IGFALS: variants seen among roughly 807,000 people sequenced by gnomAD.
The protein encoded by IGFALS is insulin like growth factor binding protein acid labile subunit.
IGFALS carries 2 observed loss-of-function variants against 2.6 expected under a neutral mutation model. The observed-to-expected ratio is 0.77, with a 90% CI of 0.32 to 2.44. The LOEUF is 2.44. IGFALS is among the 30% of genes most tolerant of loss of function. The probability of loss-of-function intolerance (pLI) is 0.11; values close to 1 mark genes in which losing one functional copy is unlikely to be tolerated. For synonymous variants in IGFALS, 519 were observed against 431.9 expected, an observed-to-expected ratio of 1.20 and a Z score of -2.50; for missense variants, 996 against 848.7, an observed-to-expected ratio of 1.17 and a Z score of -2.16.
In IGFALS at chr16:1,790,925, G is replaced by T. The variant is rs747856531; in HGVS notation, c.1493C>A (p.Pro498His). The part of the protein sequence containing the change: ...DVSHNRLEAL[P>H]NSLLAPLGRL... The stretch of plus-strand genomic sequence containing the variant: ...CCCCAGTGGTGCCAAGAGGCTGTTG[G>T]GCAATGCCTCCAGGCGGTTGTGCGA... The change falls in exon 2 of 2, where the codon CCC becomes CAC. Residue 498 changes from proline (P) to histidine (H), a missense_variant. Physicochemically the swap from Pro to His is moderately conservative, Grantham distance 77. Coordinates refer to ENST00000215539, the MANE Select transcript of IGFALS (RefSeq NM_004970.3). 2 of 1,592,120 alleles carry T rather than the reference G, an allele frequency of 1.3e-6. No homozygotes were observed. Among genetic ancestry groups the T allele is most frequent in the South Asian group, 2.2e-5 (2 of 89,748 alleles).
chr16:1,793,310 C>G (rs1220008594), intron 1 of IGFALS, among the ~76,000 whole-genome samples: 1 of 152,084 alleles, frequency 6.6e-6, no homozygotes, highest in African/African-American at 2.4e-5. Flanking sequence ...TGGGCCGGGC[C>G]CACAACGCGG....
At chr16:1,793,494 TG>T in intron 1 of IGFALS, 142 bp downstream of exon 1, 1 of 677,196 alleles carries the variant, frequency 1.5e-6, no homozygotes, top group Non-Finnish European at 2.4e-6. Flanking sequence ...TTTCCGACTG[TG>T]GGCTCCCCAG....
At chr16:1,792,500 G>A (rs1011288116) in intron 1 of IGFALS, 99 bp from the exon 2 acceptor site, 2 of 1,438,958 alleles carry the variant, frequency 1.4e-6, no homozygotes, top group Admixed American at 5.5e-5. Flanking sequence ...TGTGAACTGA[G>A]GCTCGAGGTC....
rs763420568 is a variant in IGFALS, at chr16:1,792,205, T to TC, written c.212dup (p.Val72SerfsTer110). The TC allele has an allele frequency of 1.2e-6, 2 of 1,610,256 alleles. No individual in the cohort carries two copies. The highest frequency in any genetic ancestry group is 2.2e-5 in the South Asian group (2 of 91,014). On this transcript the variant is annotated frameshift_variant, in exon 2 of 2. Coordinates refer to ENST00000215539, the MANE Select transcript of IGFALS (RefSeq NM_004970.3). LOFTEE classifies it low-confidence loss of function (END_TRUNC). The stretch of plus-strand genomic sequence containing the variant: ...ACAGGGCTTGGGTGCCGCCCGGGAC[T>TC]CCATCAGGCAGGCGCGTGAGGTTCC...
intron 1 of IGFALS, 70 bp downstream of exon 1, chr16:1,793,567 C>CT (rs1897277088): frequency 3.4e-6 from 5 of 1,491,914 alleles, no homozygotes; most frequent in Non-Finnish European, 4.6e-6. Context: ...ACCCCGGCCT[C>CT]TCCCCAGCGG....
Position 1,791,471 on chromosome 16 carries a change from A to G in IGFALS, c.947T>C (p.Leu316Pro), listed in dbSNP as rs1029727806. 6 of 1,612,264 alleles carry G rather than the reference A, an allele frequency of 3.7e-6. No homozygotes were observed. Among genetic ancestry groups the G allele is most frequent in the Non-Finnish European group, 5.1e-6 (6 of 1,179,826 alleles). ...RPRTFKDLHF[L>P]EELQLGHNRI... ...GTTGTGGCCCAGCTGCAGCTCCTCC[A>G]GGAAGTGCAGGTCCTTGAAGGTGCG... The change falls in exon 2 of 2, where the codon CTG (leucine) becomes CCG (proline). Residue 316 changes from leucine to proline, a missense_variant. Physicochemically the swap from Leu to Pro is moderately conservative, Grantham distance 98. Coordinates refer to ENST00000215539, the MANE Select transcript of IGFALS (RefSeq NM_004970.3).
In IGFALS at chr16:1,791,423, C is replaced by T. The variant is rs370683639; in HGVS notation, c.995G>A (p.Arg332His). 18 of 1,611,996 alleles carry T rather than the reference C, an allele frequency of 1.1e-5. No homozygotes were observed. The Admixed American group carries it at 1.5e-4, about 13-fold the overall frequency. The change falls in exon 2 of 2, where the codon CGC becomes CAC. Residue 332 changes from arginine (R) to histidine (H), a missense_variant. Transcript: ENST00000215539. ...GHNRIRQLAE[R>H]SFEGLGQLEV... ...AAGCTGCCCCAGGCCCTCAAAGCTG[C>T]GCTCAGCCAGCTGCCGGATGCGGTT...
In IGFALS at chr16:1,792,371, G is replaced by C. The variant is rs376639311; in HGVS notation, c.47C>G (p.Ser16Cys). The C allele has an allele frequency of 7.6e-6, 12 of 1,583,372 alleles. No homozygotes were observed. Among genetic ancestry groups the C allele is most frequent in the Admixed American group, 5.1e-5 (3 of 59,028 alleles). The change falls in exon 2 of 2, where the codon TCC becomes TGC. Residue 16 changes from serine to cysteine, a missense_variant. By Grantham distance (112) the Ser-to-Cys change is moderately radical. Coordinates refer to ENST00000215539, the MANE Select transcript of IGFALS (RefSeq NM_004970.3). Reference protein sequence around the residue: ...GGLALALLLLSWVALGPRSLE... With the variant: ...GGLALALLLLCWVALGPRSLE... ...GCTGCGGGGGCCCAGTGCCACCCAGGACAGCAGCAGCAGCGCCAGGGCCAG... is the reference window on the plus strand; with the variant it reads ...GCTGCGGGGGCCCAGTGCCACCCAGCACAGCAGCAGCAGCGCCAGGGCCAG...
chr16:1,792,264 C>A lies in IGFALS; in HGVS notation c.154G>T (p.Asp52Tyr). ...CAGAAGACGCTGAGCTCATCCGCGTCGTCATCGTAGCTGCAGACACAGGCG... is the reference window on the plus strand; with the variant it reads ...CAGAAGACGCTGAGCTCATCCGCGTAGTCATCGTAGCTGCAGACACAGGCG... ...PAACVCSYDD[D>Y]ADELSVFCSS... The change falls in exon 2 of 2, where the codon GAC becomes TAC. Residue 52 changes from aspartate to tyrosine, a missense_variant. Coordinates refer to ENST00000215539, the MANE Select transcript of IGFALS (RefSeq NM_004970.3). 1 of 1,601,380 alleles carries A rather than the reference C, an allele frequency of 6.2e-7. No homozygotes were observed. The highest frequency in any genetic ancestry group is 1.7e-5 in the Admixed American group (1 of 59,994).
chr16:1,790,500 A>G lies in IGFALS; in HGVS notation c.*100T>C. 2 of 1,033,600 alleles carry G rather than the reference A, an allele frequency of 1.9e-6. No individual in the cohort carries two copies. Among genetic ancestry groups the G allele is most frequent in the Non-Finnish European group, 2.9e-6 (2 of 685,790 alleles). The allele number at this position is 1,033,600 out of a possible 1,614,324, so 64.0% of individuals were successfully genotyped here. A position where few individuals can be genotyped will look rare whatever the true frequency, so the allele number is the denominator to read the frequency against. ...CCATCAGGCCCTTGCGTCTTCCAGC[A>G]AGTGCACTGGGCAGGCCCCTGAGGA... On this transcript the variant is annotated 3_prime_UTR_variant, in exon 2 of 2. Transcript: ENST00000215539.
rs1213058888 is a variant in IGFALS, at chr16:1,791,600, A to G, written c.818T>C (p.Leu273Pro). The G allele has an allele frequency of 6.4e-7, 1 of 1,564,868 alleles. No homozygotes were observed. The highest frequency in any genetic ancestry group is 1.9e-5 in the Admixed American group (1 of 52,842). Residue 273 changes from leucine to proline, a missense_variant, in exon 2 of 2, where the codon CTG (leucine) becomes CCG (proline). By Grantham distance (98) the Leu-to-Pro change is moderately conservative. Coordinates refer to ENST00000215539, the MANE Select transcript of IGFALS (RefSeq NM_004970.3). ...LGLKALRWLDLSHNRVAGLLE... is the reference protein window; with the variant it reads ...LGLKALRWLDPSHNRVAGLLE... ...GAGGCCAGCCACGCGGTTGTGGGAC[A>G]GGTCCAGCCATCGCAGCGCCTTCAG...
upstream of IGFALS, among the ~76,000 whole-genome samples, chr16:1,794,308 C>T (rs1217763154): frequency 1.3e-5 from 2 of 152,204 alleles, no homozygotes; most frequent in African/African-American, 4.8e-5. Flanking sequence ...CACTGCCCCG[C>T]CCCCAGCCTC....
intron 1 of IGFALS, 173 bp from the exon 2 acceptor site, chr16:1,792,574 C>T (rs1184151356): frequency 7.9e-6 from 10 of 1,259,218 alleles, no homozygotes; most frequent in East Asian, 2.6e-5. Flanking sequence ...GCTGACACTG[C>T]GCTTCCCACC....
rs377421238 is a variant in IGFALS at position 1,793,684 on chromosome 16, C to A, written c.-32G>T. ...TGCAGGGCAGGCTGCAGGCAGGCAG[C>A]GAGGGAGGGTACGTCTGCTGTGCCG... On this transcript the variant is annotated 5_prime_UTR_variant, in exon 1 of 2. Coordinates refer to ENST00000215539, the MANE Select transcript of IGFALS (RefSeq NM_004970.3). 33 of 1,579,722 alleles carry A rather than the reference C, an allele frequency of 2.1e-5. No homozygotes were observed. The highest frequency in any genetic ancestry group is 2.8e-5 in the Non-Finnish European group (32 of 1,162,296).
chr16:1,793,673 C>T lies in IGFALS; in HGVS notation c.-21G>A. 6.3e-7 allele frequency: 1 copy of T among 1,584,492 alleles called. No homozygotes were observed. The highest frequency in any genetic ancestry group is 8.6e-7 in the Non-Finnish European group (1 of 1,164,658). ...GCCATCCTGCATGCAGGGCAGGCTGCAGGCAGGCAGCGAGGGAGGGTACGT... is the reference window on the plus strand; with the variant it reads ...GCCATCCTGCATGCAGGGCAGGCTGTAGGCAGGCAGCGAGGGAGGGTACGT... On this transcript the variant is annotated 5_prime_UTR_variant, in exon 1 of 2. Coordinates refer to ENST00000215539, the MANE Select transcript of IGFALS (RefSeq NM_004970.3).
chr16:1,791,394 C>T lies in IGFALS; in HGVS notation c.1024G>A (p.Val342Met), dbSNP rs1277491156. 6.2e-7 allele frequency: 1 copy of T among 1,610,688 alleles called. No homozygotes were observed. Among genetic ancestry groups the T allele is most frequent in the East Asian group, 2.2e-5 (1 of 44,854 alleles). ...RSFEGLGQLE[V>M]LTLDHNQLQE... The stretch of plus-strand genomic sequence containing the variant: ...AGCTGGTTGTGGTCTAGCGTGAGCA[C>T]CTCAAGCTGCCCCAGGCCCTCAAAG... The change falls in exon 2 of 2, where the codon GTG (valine) becomes ATG (methionine). Residue 342 changes from valine (V) to methionine (M), a missense_variant. Transcript: ENST00000215539.
chr16:1,793,220 T>C (rs1426361765), intron 1 of IGFALS, among the ~76,000 whole-genome samples: 1 of 152,002 alleles, frequency 6.6e-6, no homozygotes, highest in Non-Finnish European at 1.5e-5. Flanking sequence ...GCTCTGGAGC[T>C]CAGCTCAGGC....
rs554985321 is a variant in IGFALS, at chr16:1,792,764, G to A, written c.17-363C>T. ...GCCAGTCTGCCACGTTGGCCTAGAG[G>A]AAGGGGAGGGAACTGAGCCATTGGC... is the stretch of plus-strand genomic sequence containing the variant. On this transcript the variant is annotated intron_variant, in intron 1 of 1. Transcript: ENST00000215539. Among the ~76,000 whole-genome samples the A allele has an allele frequency of 2.6e-5, 4 of 152,364 alleles. No homozygotes were observed. The South Asian group carries it at 8.3e-4, about 32-fold the overall frequency.
Position 1,792,082 on chromosome 16 carries a change from GCT to G in IGFALS, c.334_335del (p.Ser112ProfsTer69), listed in dbSNP as rs1897242130. 5.0e-6 allele frequency: 8 copies of G among 1,609,692 alleles called. No individual in the cohort carries two copies. In the Admixed American group the frequency reaches 1.3e-4, roughly 27 times the overall value. On this transcript the variant is annotated frameshift_variant, in exon 2 of 2. Transcript: ENST00000215539. LOFTEE classifies it low-confidence loss of function (END_TRUNC). ...FLNLQGGQLG[S>X]LEPQALLGLE... ...GGCCCAGCAGCGCCTGTGGCTCCAG[GCT>G]GCCCAGCTGGCCGCCCTGCAGGTTG...
Sources: gnomAD v4.1 joint callset for allele counts (sites outside exome capture counted in the v4.1 genomes callset) on GRCh38, gnomAD v4.1.1 for gene constraint, MANE v1.5 for transcripts, NCBI Gene and HGNC (gene_info 2026-07-23, HGNC 2026-07-21) for gene names.